Variants in LRP1B observed in about 807,000 individuals in gnomAD.
LRP1B encodes the protein low-density lipoprotein receptor-related protein 1B.
LRP1B carries 217 observed loss-of-function variants against 556.6 expected under a neutral mutation model. The ratio of observed to expected loss-of-function variants is 0.39; its 90% CI spans 0.35 to 0.44. The LOEUF (loss-of-function observed/expected upper bound fraction) is 0.44, where lower values mean the gene tolerates loss of function less well. Ranked by LOEUF, LRP1B falls within the 20% of genes least tolerant of loss-of-function variation. LRP1B has a pLI of 1.00. For missense variants in LRP1B, 5,053 were observed against 5,620.8 expected (o/e 0.90, Z 3.23); for synonymous variants, 2,047 against 1,865.8 (o/e 1.10, Z -2.50).
At chr2:140,992,929 T>C (rs1412209542) in intron 16 of LRP1B, among the ~76,000 whole-genome samples, 1 of 151,982 alleles carries the variant, frequency 6.6e-6, no homozygotes, top group East Asian at 1.9e-4. Context: ...CAAGAGAAAA[T>C]GCAGTCCTAT....
intron 43 of LRP1B, among the ~76,000 whole-genome samples, chr2:140,569,777 T>C (rs756004184): frequency 1.3e-5 from 2 of 151,882 alleles, no homozygotes; most frequent in African/African-American, 2.4e-5. Context: ...TTCTCCAGGA[T>C]AGACCATATT....
At chr2:140,464,878 A>T (rs1440177070) in intron 60 of LRP1B, among the ~76,000 whole-genome samples, 1 of 152,202 alleles carries the variant, frequency 6.6e-6, no homozygotes, top group South Asian at 2.1e-4. Flanking sequence ...TGAGTTTAGT[A>T]TCTGGTCTTC....
At chr2:140,470,765 A>T (rs149299238) in intron 60 of LRP1B, among the ~76,000 whole-genome samples, 8 of 151,436 alleles carry the variant, frequency 5.3e-5, no homozygotes, top group African/African-American at 1.7e-4. Flanking sequence ...ATTTTTCAAC[A>T]CCCTTATTTC....
intron 31 of LRP1B, among the ~76,000 whole-genome samples, chr2:140,825,695 A>T (rs537666502): frequency 1.1e-4 from 16 of 152,208 alleles, no homozygotes; most frequent in African/African-American, 3.9e-4. Context: ...AGAAGGATCA[A>T]TTGTGGAATT....
At chr2:141,110,944 T>C (rs1221323678) in intron 7 of LRP1B, among the ~76,000 whole-genome samples, 2 of 152,124 alleles carry the variant, frequency 1.3e-5, no homozygotes, top group African/African-American at 4.8e-5. Context: ...ATTTTAAAAG[T>C]TTACATATCA....
chr2:140,997,821 G>A (rs1019995697), intron 15 of LRP1B, among the ~76,000 whole-genome samples: 3 of 151,836 alleles, frequency 2.0e-5, no homozygotes, highest in Admixed American at 6.6e-5. Flanking sequence ...ATATAAGCTC[G>A]CCTATACCGG....
At position 141,631,312 on chromosome 2, in the gene LRP1B, G is replaced by C. The variant is rs963791598; in HGVS notation, c.206-150779C>G. Reference sequence around the variant, plus strand: ...TCTTCCATGACATGTGGGGATTATGGGAACTACAGTTCAAGATGAGATTTG... The same window carrying C: ...TCTTCCATGACATGTGGGGATTATGCGAACTACAGTTCAAGATGAGATTTG... On this transcript the variant is annotated intron_variant, in intron 2 of 90. Transcript: ENST00000389484. Among the ~76,000 whole-genome samples, 11 of 152,018 alleles carry C rather than the reference G, an allele frequency of 7.2e-5. No homozygotes were observed. The East Asian group carries it at 2.1e-3, about 30-fold the overall frequency.
At chr2:141,412,022 C>T (rs898810852) in intron 3 of LRP1B, among the ~76,000 whole-genome samples, 5 of 151,966 alleles carry the variant, frequency 3.3e-5, no homozygotes, top group African/African-American at 1.2e-4. Context: ...GGAACTATTA[C>T]ATTATTTTAA....
intron 21 of LRP1B, among the ~76,000 whole-genome samples, chr2:140,908,467 A>T (rs114617930): frequency 6.6e-6 from 1 of 150,940 alleles, no homozygotes; most frequent in Admixed American, 6.6e-5. Context: ...ATACATTTGT[A>T]TATTAGTGCC....
chr2:140,989,859 G>A (rs1336585139), intron 16 of LRP1B, among the ~76,000 whole-genome samples: 1 of 152,028 alleles, frequency 6.6e-6, no homozygotes, highest in Admixed American at 6.6e-5. Context: ...AAAACATCAA[G>A]TAATTACATC....
chr2:141,166,691 A>G (rs1680278218), intron 7 of LRP1B, among the ~76,000 whole-genome samples: 1 of 151,484 alleles, frequency 6.6e-6, no homozygotes, highest in Non-Finnish European at 1.5e-5. Flanking sequence ...CCACTCTATC[A>G]TTCTTGACGA....
rs1311129345 is a variant in LRP1B at position 141,500,955 on chromosome 2, C to T, written c.206-20422G>A. ...ATCCTTTGATTTTTTTCATTGTTTGCCCTTCTCTTGGTCATTTTTCCCATT... is the reference window on the plus strand; with the variant it reads ...ATCCTTTGATTTTTTTCATTGTTTGTCCTTCTCTTGGTCATTTTTCCCATT... On this transcript the variant is annotated intron_variant, in intron 2 of 90. Coordinates refer to ENST00000389484, the MANE Select transcript of LRP1B (RefSeq NM_018557.3). Among the ~76,000 whole-genome samples, 4 of 151,866 alleles carry T rather than the reference C, an allele frequency of 2.6e-5. No individual in the cohort carries two copies. The East Asian group carries it at 5.8e-4, about 22-fold the overall frequency.
chr2:140,642,507 T>C (rs1684332987), intron 41 of LRP1B, among the ~76,000 whole-genome samples: 1 of 151,868 alleles, frequency 6.6e-6, no homozygotes, highest in African/African-American at 2.4e-5. Flanking sequence ...CCTACTGAGA[T>C]GAAAGAGTGA....
chr2:141,927,292 A>G (rs1368875084), intron 1 of LRP1B, among the ~76,000 whole-genome samples: 1 of 152,192 alleles, frequency 6.6e-6, no homozygotes, highest in Admixed American at 6.6e-5. Flanking sequence ...GTGAATTTTG[A>G]GAACACCATT....
At chr2:140,434,944 A>G (rs1048748421) in intron 66 of LRP1B, among the ~76,000 whole-genome samples, 2 of 152,142 alleles carry the variant, frequency 1.3e-5, no homozygotes, top group Admixed American at 1.3e-4. Flanking sequence ...TATATTTTCT[A>G]TATATGATGA....
intron 2 of LRP1B, among the ~76,000 whole-genome samples, chr2:141,787,842 A>G (rs1380546418): frequency 6.6e-6 from 1 of 152,026 alleles, no homozygotes; most frequent in East Asian, 1.9e-4. Context: ...ACTAATTTCT[A>G]ATGAAAATAT....
intron 3 of LRP1B, among the ~76,000 whole-genome samples, chr2:141,401,756 A>G (rs1035927612): frequency 6.6e-5 from 10 of 152,094 alleles, no homozygotes; most frequent in African/African-American, 2.2e-4. Flanking sequence ...GTCATAATCA[A>G]TTTCTTTATC....
chr2:141,838,001 G>C (rs1453819490), intron 1 of LRP1B, among the ~76,000 whole-genome samples: 1 of 152,094 alleles, frequency 6.6e-6, no homozygotes. Flanking sequence ...AGGAGAATAG[G>C]AGTAAACGTG....
Position 141,647,683 on chromosome 2 carries a change from G to A in LRP1B, c.205+162596C>T, listed in dbSNP as rs138425795. Among the ~76,000 whole-genome samples, 31 of 144,506 alleles carry A rather than the reference G, an allele frequency of 2.1e-4. 1 individual carries two copies. The East Asian group carries it at 6.4e-3, about 30-fold the overall frequency. 94.8% of individuals were successfully genotyped at this position (144,506 alleles called of 152,430 possible). A position where few individuals can be genotyped will look rare whatever the true frequency, so the allele number is the denominator to read the frequency against. On this transcript the variant is annotated intron_variant, in intron 2 of 90. Coordinates refer to ENST00000389484, the MANE Select transcript of LRP1B (RefSeq NM_018557.3). ...TGACTACATTTCTCTGAGAAGTTTA[G>A]AACAGGGAATAACCTTCTAGTTTTT... is the stretch of plus-strand genomic sequence containing the variant.
Sources: gnomAD v4.1 joint callset for allele counts (sites outside exome capture counted in the v4.1 genomes callset) on GRCh38, gnomAD v4.1.1 for gene constraint, MANE v1.5 for transcripts, NCBI Gene and HGNC (gene_info 2026-07-23, HGNC 2026-07-21) for gene names.